DAB1: variants seen among roughly 807,000 people sequenced by gnomAD.
DAB1 encodes DAB adaptor protein 1.
A neutral mutation model predicts 64.6 loss-of-function variants in DAB1; 15 were observed. The observed-to-expected ratio is 0.23, with a 90% CI of 0.16 to 0.36. The LOEUF (loss-of-function observed/expected upper bound fraction) is 0.36. Ranked by LOEUF, DAB1 falls within the 10% of genes least tolerant of loss-of-function variation. The pLI is 1.00. For synonymous variants in DAB1, 235 were observed against 251.9 expected (o/e 0.93, Z 0.64); for missense variants, 596 against 706.7 (o/e 0.84, Z 1.78).
intron 4 of DAB1, chr1:58,343,243 AGATGGATGGATGGATG>A (rs144281159): frequency 6.8e-6 from 1 of 147,236 alleles, no homozygotes. Flanking sequence ...TGGAACATAT[AGATGGATGGATGGATG>A]GATGGATGGA....
chr1:57,336,435 A>C (rs748863777), intron 1 of DAB1, among the ~76,000 whole-genome samples: 7 of 152,224 alleles, frequency 4.6e-5, no homozygotes, highest in Non-Finnish European at 1.0e-4. Context: ...AGAAATAGGT[A>C]TAATGCAGCC....
At chr1:57,871,035 A>C (rs1643939888) in intron 1 of DAB1, among the ~76,000 whole-genome samples, 1 of 152,208 alleles carries the variant, frequency 6.6e-6, no homozygotes, top group Admixed American at 6.5e-5. Context: ...ATAATCATAA[A>C]GCACCTAAAA....
intron 1 of DAB1, among the ~76,000 whole-genome samples, chr1:57,381,787 CTTA>C (rs1169911926): frequency 1.3e-5 from 2 of 152,242 alleles, no homozygotes; most frequent in Admixed American, 1.3e-4. Context: ...ACATTCATCC[CTTA>C]TTATTAACAA....
intron 4 of DAB1, among the ~76,000 whole-genome samples, chr1:58,310,301 G>T (rs573523363): frequency 6.5e-4 from 99 of 152,054 alleles, no homozygotes; most frequent in Non-Finnish European, 1.1e-3. Flanking sequence ...AAAAATATTT[G>T]TTTTAATTTA....
chr1:57,011,083 T>C, intron 13 of DAB1, 62 bp downstream of exon 13: 1 of 1,600,672 alleles, frequency 6.2e-7, no homozygotes, highest in Non-Finnish European at 8.5e-7. Flanking sequence ...CATTATCCAT[T>C]TCAGTTACAG....
chr1:58,405,266 G>A (rs548026844), intron 3 of DAB1, among the ~76,000 whole-genome samples: 9 of 152,210 alleles, frequency 5.9e-5, no homozygotes, highest in Admixed American at 2.6e-4. Context: ...CCTCAAAGAC[G>A]CCTTCCCTGA....
chr1:58,241,196 T>C (rs1225847930), intron 4 of DAB1, among the ~76,000 whole-genome samples: 1 of 152,200 alleles, frequency 6.6e-6, no homozygotes, highest in Non-Finnish European at 1.5e-5. Context: ...CAGAAAAGTA[T>C]GTAATTATTA....
intron 4 of DAB1, among the ~76,000 whole-genome samples, chr1:58,299,179 A>C (rs1272737524): frequency 6.6e-6 from 1 of 152,188 alleles, no homozygotes; most frequent in Non-Finnish European, 1.5e-5. Flanking sequence ...AGAGTATCAT[A>C]CCTTATTTTA....
At chr1:58,144,876 GTC>G (rs1654503915) in intron 5 of DAB1, among the ~76,000 whole-genome samples, 1 of 152,284 alleles carries the variant, frequency 6.6e-6, no homozygotes, top group African/African-American at 2.4e-5. Context: ...TGCTATTCCA[GTC>G]TGTCTCCTAG....
At chr1:57,261,873 C>T (rs1165162984) in intron 2 of DAB1, among the ~76,000 whole-genome samples, 1 of 152,180 alleles carries the variant, frequency 6.6e-6, no homozygotes, top group Non-Finnish European at 1.5e-5. Flanking sequence ...TAAAAAATGT[C>T]ATTGCTATTA....
intron 1 of DAB1, among the ~76,000 whole-genome samples, chr1:57,303,572 C>T (rs1362925743): frequency 6.6e-6 from 1 of 152,010 alleles, no homozygotes; most frequent in Non-Finnish European, 1.5e-5. Context: ...AAAAGATGAA[C>T]AGGGAGAAGC....
At chr1:57,808,197 GCA>G (rs3081057) in intron 6 of DAB1, among the ~76,000 whole-genome samples, 98,752 of 147,940 alleles carry the variant, frequency 0.67, 33,247 homozygotes, top group East Asian at 0.83. Flanking sequence ...ACATGCACAT[GCA>G]CACACACACA....
chr1:57,771,095 A>G (rs796573973), intron 6 of DAB1, among the ~76,000 whole-genome samples: 8 of 152,340 alleles, frequency 5.3e-5, no homozygotes, highest in South Asian at 4.1e-4. Context: ...ATATTGCATT[A>G]ATGTACATGC....
chr1:57,661,255 A>G (rs1646383355), intron 6 of DAB1, among the ~76,000 whole-genome samples: 1 of 152,208 alleles, frequency 6.6e-6, no homozygotes, highest in Non-Finnish European at 1.5e-5. Context: ...CAGGCACTGT[A>G]GTGTAGTGGA....
In DAB1 at chr1:58,079,247, C is replaced by T. The variant is rs1231411590; in HGVS notation, n.387+71264G>A. Among the ~76,000 whole-genome samples, 8 of 152,272 alleles carry T rather than the reference C, an allele frequency of 5.3e-5. No individual in the cohort carries two copies. In the East Asian group the frequency reaches 7.7e-4, roughly 15 times the overall value. On this transcript the variant is annotated intron_variant and non_coding_transcript_variant, in intron 5 of 20. Transcript: ENST00000485760. ...CACCTAGGGCTCCCCTCAGACATCA[C>T]ATCATCAGGGAACCCCTCCCAGACC...
chr1:58,234,121 C>T (rs1659906789), intron 4 of DAB1, among the ~76,000 whole-genome samples: 1 of 152,202 alleles, frequency 6.6e-6, no homozygotes, highest in African/African-American at 2.4e-5. Flanking sequence ...AGTTTACTAT[C>T]AGCTGAGCTA....
At chr1:58,208,535 C>T (rs1050021920) in intron 4 of DAB1, among the ~76,000 whole-genome samples, 1 of 152,158 alleles carries the variant, frequency 6.6e-6, no homozygotes, top group Non-Finnish European at 1.5e-5. Flanking sequence ...TAAGTGAGAA[C>T]ATATGATGTC....
intron 1 of DAB1, among the ~76,000 whole-genome samples, chr1:57,417,311 G>A (rs1684565097): frequency 6.6e-6 from 1 of 152,106 alleles, no homozygotes; most frequent in South Asian, 2.1e-4. Flanking sequence ...TGATGACCTT[G>A]AGCAGTAGGA....
intron 7 of DAB1, among the ~76,000 whole-genome samples, chr1:57,621,035 G>C (rs1451016411): frequency 1.3e-5 from 2 of 151,972 alleles, no homozygotes; most frequent in Non-Finnish European, 1.5e-5. Flanking sequence ...GTGTGAGAGA[G>C]AGAGAGACAG....
Sources: gnomAD v4.1 joint callset for allele counts (sites outside exome capture counted in the v4.1 genomes callset) on GRCh38, gnomAD v4.1.1 for gene constraint, MANE v1.5 for transcripts, NCBI Gene and HGNC (gene_info 2026-07-23, HGNC 2026-07-21) for gene names.